Variants in GAS2 observed in about 807,000 individuals in gnomAD.
The protein encoded by GAS2 is growth arrest specific 2.
Under a neutral mutation model 37.5 loss-of-function variants are expected in GAS2, and 20 were observed. The observed-to-expected ratio is 0.53, with a 90% confidence interval of 0.37 to 0.77. GAS2 has a LOEUF of 0.77. Among genes scored for constraint, GAS2 ranks in the 30% least tolerant of loss-of-function variants. The pLI is 0.00. For missense variants in GAS2, 336 were observed against 373.4 expected, an observed-to-expected ratio of 0.90 and a Z score of 0.82; for synonymous variants, 144 against 132.2, an observed-to-expected ratio of 1.09 and a Z score of -0.61.
intron 7 of GAS2, among the ~76,000 whole-genome samples, chr11:22,788,201 C>T (rs1391744541): frequency 5.3e-5 from 8 of 152,120 alleles, no homozygotes; most frequent in Admixed American, 2.0e-4. Flanking sequence ...GTAAAAGTGA[C>T]ACCAAAAGGA....
At chr11:22,793,286 A>G (rs1388804803) in intron 7 of GAS2, among the ~76,000 whole-genome samples, 1 of 152,152 alleles carries the variant, frequency 6.6e-6, no homozygotes, top group Non-Finnish European at 1.5e-5. Flanking sequence ...AAAAAAATAA[A>G]TAAATTAAAA....
At chr11:22,728,851 A>G (rs540847888) in intron 4 of GAS2, among the ~76,000 whole-genome samples, 59 of 151,550 alleles carry the variant, frequency 3.9e-4, no homozygotes, top group African/African-American at 1.4e-3. Flanking sequence ...TTCCATTTCC[A>G]CAAGTGGAAC....
rs112253043 is a variant in GAS2 at position 22,754,255 on chromosome 11, G to A, written c.616-1591G>A. Among the ~76,000 whole-genome samples the A allele has an allele frequency of 8.3e-4, 127 of 152,096 alleles. 1 individual carries two copies. The highest frequency in any genetic ancestry group is 2.9e-3 in the African/African-American group (121 of 41,524). ...TCTTATATATCTATTTAGTCAATGT[G>A]TATTTAATGAATATTTATTTGCCAT... is the stretch of plus-strand genomic sequence containing the variant. On this transcript the variant is annotated intron_variant, in intron 6 of 7. Transcript: ENST00000454584.
intron 1 of GAS2, among the ~76,000 whole-genome samples, chr11:22,658,503 C>T (rs117517621): frequency 0.019 from 2,924 of 152,318 alleles, 42 homozygotes; most frequent in Non-Finnish European, 0.031. Context: ...AAAACAACTT[C>T]TTCCCATCTT....
At chr11:22,790,031 C>T (rs1856065419) in intron 7 of GAS2, among the ~76,000 whole-genome samples, 1 of 152,188 alleles carries the variant, frequency 6.6e-6, no homozygotes, top group African/African-American at 2.4e-5. Context: ...CCTTCTGTCT[C>T]CCTTTTCTCC....
At chr11:22,737,817 C>T in intron 5 of GAS2, 49 bp downstream of exon 5, 1 of 1,520,880 alleles carries the variant, frequency 6.6e-7, no homozygotes. Flanking sequence ...ATTTCAGCAT[C>T]CAAGCAACAC....
At chr11:22,709,727 C>A (rs1394597166) in intron 3 of GAS2, among the ~76,000 whole-genome samples, 1 of 152,096 alleles carries the variant, frequency 6.6e-6, no homozygotes, top group African/African-American at 2.4e-5. Context: ...TTTATCGTGG[C>A]ACTATTCACA....
At chr11:22,697,684 G>C (rs1000159739) in intron 3 of GAS2, among the ~76,000 whole-genome samples, 24 of 152,066 alleles carry the variant, frequency 1.6e-4, no homozygotes, top group Non-Finnish European at 1.5e-5. Flanking sequence ...GGATTCCTAG[G>C]TATTTTATTC....
intron 1 of GAS2, among the ~76,000 whole-genome samples, chr11:22,653,787 G>T (rs1378862858): frequency 6.6e-6 from 1 of 152,212 alleles, no homozygotes; most frequent in Non-Finnish European, 1.5e-5. Flanking sequence ...TGTCTGGAGA[G>T]AATGGACTCG....
intron 7 of GAS2, among the ~76,000 whole-genome samples, chr11:22,770,627 C>G (rs1854930172): frequency 1.3e-5 from 2 of 152,162 alleles, no homozygotes; most frequent in Non-Finnish European, 2.9e-5. Context: ...TATTCTGGAA[C>G]AGGAGACTAA....
intron 3 of GAS2, among the ~76,000 whole-genome samples, chr11:22,703,878 G>A (rs1850969310): frequency 6.6e-6 from 1 of 152,124 alleles, no homozygotes; most frequent in African/African-American, 2.4e-5. Flanking sequence ...TACTGTGCTA[G>A]TCATGTCTAA....
chr11:22,649,228 T>C (rs1424363185), intron 1 of GAS2, among the ~76,000 whole-genome samples: 1 of 152,158 alleles, frequency 6.6e-6, no homozygotes, highest in East Asian at 1.9e-4. Context: ...TTTATTGATT[T>C]GCGTATATTG....
At chr11:22,805,279 G>A (rs562564893) in intron 7 of GAS2, among the ~76,000 whole-genome samples, 9 of 151,950 alleles carry the variant, frequency 5.9e-5, no homozygotes, top group South Asian at 2.1e-4. Context: ...CATGTATAAC[G>A]TAAAGTTTTA....
At position 22,756,601 on chromosome 11, in the gene GAS2, T is replaced by C. The variant is rs145977511; in HGVS notation, c.723+648T>C. On this transcript the variant is annotated intron_variant, in intron 7 of 7. Coordinates refer to ENST00000454584, the MANE Select transcript of GAS2 (RefSeq NM_001143830.3). ...GTAAAGTTTTCTTAATTTCTACTTT[T>C]GACCAAAACTTATTGGTATAACAGG... 2.4e-3 allele frequency among the ~76,000 whole-genome samples: 365 copies of C among 152,284 alleles called. 3 individuals carry two copies. Among genetic ancestry groups the C allele is most frequent in the Middle Eastern group, 0.017 (5 of 294 alleles).
chr11:22,713,064 CAAA>C (rs61240215), intron 3 of GAS2, among the ~76,000 whole-genome samples: 29 of 112,042 alleles, frequency 2.6e-4, no homozygotes, highest in Admixed American at 4.6e-4. Context: ...GAGACTGTGT[CAAA>C]AAAAAAAAAA....
intron 1 of GAS2, among the ~76,000 whole-genome samples, chr11:22,658,530 G>T (rs1848881194): frequency 6.6e-6 from 1 of 152,144 alleles, no homozygotes. Flanking sequence ...TTCATTAAAT[G>T]GCAGCATAAT....
intron 3 of GAS2, among the ~76,000 whole-genome samples, chr11:22,725,168 A>G (rs1041138966): frequency 1.5e-4 from 23 of 152,186 alleles, no homozygotes; most frequent in Admixed American, 5.2e-4. Context: ...ATTTATTTCT[A>G]TTAAAGAAAA....
intron 3 of GAS2, among the ~76,000 whole-genome samples, chr11:22,688,749 A>T (rs1209369870): frequency 2.0e-5 from 3 of 152,198 alleles, no homozygotes; most frequent in Non-Finnish European, 4.4e-5. Flanking sequence ...ATTGTGATAA[A>T]GGTTTTAGTA....
At chr11:22,759,784 A>G (rs1854272892) in intron 7 of GAS2, among the ~76,000 whole-genome samples, 1 of 152,146 alleles carries the variant, frequency 6.6e-6, no homozygotes. Context: ...TCTCAGGACT[A>G]ATGTCTTGAT....
Sources: gnomAD v4.1 joint callset for allele counts (sites outside exome capture counted in the v4.1 genomes callset) on GRCh38, gnomAD v4.1.1 for gene constraint, MANE v1.5 for transcripts, NCBI Gene and HGNC (gene_info 2026-07-23, HGNC 2026-07-21) for gene names.